The following ARHGEF3 variants were observed in gnomAD, a reference collection of about 807,000 sequenced individuals.
The protein encoded by ARHGEF3 is Rho guanine nucleotide exchange factor 3.
In ARHGEF3, 28 loss-of-function variants were observed where a neutral mutation model predicts 63.2. The observed-to-expected ratio is 0.44, with a 90% CI of 0.33 to 0.61. The LOEUF (loss-of-function observed/expected upper bound fraction) is 0.61. ARHGEF3 is among the 20% of genes least tolerant of loss of function. The pLI, the probability that ARHGEF3 is intolerant of heterozygous loss-of-function variation, is 0.03. For synonymous variants in ARHGEF3, 266 were observed against 254.2 expected (o/e 1.05, Z -0.44); for missense variants, 533 against 659.3 (o/e 0.81, Z 2.10).
chr3:56,926,989 C>T (rs2042293134), intron 3 of ARHGEF3, among the ~76,000 whole-genome samples: 3 of 152,108 alleles, frequency 2.0e-5, no homozygotes, highest in Non-Finnish European at 2.9e-5. Flanking sequence ...GCCAAGCCAG[C>T]CGGGGTGGTG....
At chr3:57,021,364 A>G (rs1468745568) in intron 2 of ARHGEF3, among the ~76,000 whole-genome samples, 1 of 152,238 alleles carries the variant, frequency 6.6e-6, no homozygotes, top group African/African-American at 2.4e-5. Context: ...TAAAGCTCAA[A>G]CTGAAAGCCT....
chr3:57,078,473 C>G (rs1579236844), intron 1 of ARHGEF3: 1 of 152,274 alleles, frequency 6.6e-6, no homozygotes, highest in South Asian at 2.1e-4. Flanking sequence ...AAGAGCAGCT[C>G]TCCACCACCG....
intron 8 of ARHGEF3, among the ~76,000 whole-genome samples, chr3:56,734,026 C>A (rs1442166894): frequency 6.8e-6 from 1 of 147,670 alleles, no homozygotes; most frequent in East Asian, 2.1e-4. Flanking sequence ...CAATATTTTC[C>A]TTCTAAGTTA....
At chr3:56,891,181 T>TTAA (rs1491457342) in intron 3 of ARHGEF3, among the ~76,000 whole-genome samples, 7 of 138,756 alleles carry the variant, frequency 5.0e-5, no homozygotes, top group African/African-American at 1.9e-4. Context: ...TTTTAAAAAG[T>TTAA]AAAAAAAAAA....
intron 1 of ARHGEF3, among the ~76,000 whole-genome samples, chr3:57,063,817 C>T (rs1292563385): frequency 6.6e-6 from 1 of 152,168 alleles, no homozygotes; most frequent in East Asian, 1.9e-4. Context: ...GAGTGGAAGC[C>T]AAGCCTGCCT....
chr3:56,979,132 CA>C, intron 2 of ARHGEF3, among the ~76,000 whole-genome samples: 1 of 152,204 alleles, frequency 6.6e-6, no homozygotes, highest in Non-Finnish European at 1.5e-5. Context: ...CCAGCCTGGG[CA>C]ACACAGTGAG....
At chr3:56,880,987 A>G (rs530552066) in intron 4 of ARHGEF3, among the ~76,000 whole-genome samples, 43 of 152,300 alleles carry the variant, frequency 2.8e-4, no homozygotes, top group African/African-American at 9.6e-4. Flanking sequence ...AGCTCGCTCC[A>G]TCATGGCTGG....
rs371205020 is a variant in ARHGEF3, at chr3:56,941,311, A to C, written c.129+17512T>G. On this transcript the variant is annotated intron_variant, in intron 3 of 12. Coordinates refer to the ARHGEF3 transcript ENST00000338458. ...CAACCTCCGCCTCCTGGGTTCAAGC[A>C]ATTCTCCTGCCTCAGGCTCCCAAGC... 2.6e-3 allele frequency among the ~76,000 whole-genome samples: 399 copies of C among 152,314 alleles called. 1 individual carries two copies. Among genetic ancestry groups the C allele is most frequent in the African/African-American group, 9.0e-3 (376 of 41,568 alleles).
intron 4 of ARHGEF3, among the ~76,000 whole-genome samples, chr3:56,866,459 G>A (rs1305330034): frequency 6.6e-6 from 1 of 152,196 alleles, no homozygotes; most frequent in Non-Finnish European, 1.5e-5. Context: ...ACAGAAAGCA[G>A]GGAAGCATTC....
chr3:56,820,221 T>C (rs1306019092), intron 4 of ARHGEF3, among the ~76,000 whole-genome samples: 1 of 152,226 alleles, frequency 6.6e-6, no homozygotes, highest in Non-Finnish European at 1.5e-5. Context: ...CAGTAGCAAC[T>C]GGTATCTGCT....
intron 7 of ARHGEF3, among the ~76,000 whole-genome samples, chr3:56,738,041 GTAT>G (rs1448325964): frequency 6.6e-6 from 1 of 151,624 alleles, no homozygotes; most frequent in Non-Finnish European, 1.5e-5. Context: ...GCTAATTTTT[GTAT>G]TTTTTGTTTG....
intron 3 of ARHGEF3, among the ~76,000 whole-genome samples, chr3:56,897,090 G>A (rs1248576442): frequency 6.6e-6 from 1 of 152,178 alleles, no homozygotes. Flanking sequence ...TTCTTCTACT[G>A]GAGGGAAGAG....
In ARHGEF3 at chr3:57,035,121, CA is replaced by C; in HGVS notation, c.28del (p.Cys10AlafsTer54). On this transcript the variant is annotated frameshift_variant, in exon 2 of 13. Transcript: ENST00000338458. LOFTEE classifies it high-confidence loss of function. ...GTTTTCTTCCATTCCTCTACAGCTGCATTGATTCATTGCTGTGGAACTGTCC... is the reference window on the plus strand; with the variant it reads ...GTTTTCTTCCATTCCTCTACAGCTGCTTGATTCATTGCTGTGGAACTGTCC... 6.5e-7 allele frequency: 1 copy of C among 1,548,816 alleles called. No individual in the cohort carries two copies. Among genetic ancestry groups the C allele is most frequent in the Non-Finnish European group, 8.7e-7 (1 of 1,146,036 alleles).
chr3:57,063,002 A>G (rs1354056918), intron 1 of ARHGEF3, among the ~76,000 whole-genome samples: 1 of 152,190 alleles, frequency 6.6e-6, no homozygotes, highest in East Asian at 1.9e-4. Flanking sequence ...TTGGATAACG[A>G]TAGTGTAAGG....
At chr3:56,968,207 AAT>A (rs1218626079) in intron 2 of ARHGEF3, among the ~76,000 whole-genome samples, 2 of 16,704 alleles carry the variant, frequency 1.2e-4, no homozygotes, top group African/African-American at 2.6e-4. Context: ...AATATATAAA[AAT>A]ATATATTATA....
intron 2 of ARHGEF3, among the ~76,000 whole-genome samples, chr3:56,967,773 T>TATATTATATATACAATTATATATAATA (rs1700625464): frequency 3.0e-5 from 2 of 66,694 alleles, no homozygotes; most frequent in African/African-American, 6.0e-5. Context: ...ATATAATATA[T>TATATTATATATACAATTATATATAATA]TATATTATAT....
intron 1 of ARHGEF3, among the ~76,000 whole-genome samples, chr3:57,071,772 T>C (rs1031050537): frequency 6.6e-6 from 1 of 151,752 alleles, no homozygotes; most frequent in Non-Finnish European, 1.5e-5. Flanking sequence ...AATAGATAAA[T>C]TGAACTTCAC....
rs142138805 is a variant in ARHGEF3 at position 56,834,433 on chromosome 3, C to T, written c.192+47859G>A. Among the ~76,000 whole-genome samples, 231 of 152,050 alleles carry T rather than the reference C, an allele frequency of 1.5e-3. 5 individuals carry two copies. The East Asian group carries it at 0.039, about 26-fold the overall frequency. On this transcript the variant is annotated intron_variant, in intron 4 of 12. Transcript: ENST00000338458. ...GTGGGTTAATTTAATAACGCTATAT[C>T]CCAGTTAAACAATCTGATACTATGT... is the stretch of plus-strand genomic sequence containing the variant.
At chr3:56,996,893 T>TTATTA (rs1362315645) in intron 2 of ARHGEF3, among the ~76,000 whole-genome samples, 15 of 94,614 alleles carry the variant, frequency 1.6e-4, no homozygotes, top group South Asian at 1.3e-3. Context: ...TATTATTATT[T>TTATTA]TTTTTTTTTT....
Sources: gnomAD v4.1 joint callset for allele counts (sites outside exome capture counted in the v4.1 genomes callset) on GRCh38, gnomAD v4.1.1 for gene constraint, MANE v1.5 for transcripts, NCBI Gene and HGNC (gene_info 2026-07-23, HGNC 2026-07-21) for gene names.